Variants in CNBD2 observed in about 807,000 individuals in gnomAD.
The protein encoded by CNBD2 is cyclic nucleotide binding domain containing 2, also known as cyclic nucleotide-binding domain-containing protein 2.
Under a neutral mutation model 63.7 loss-of-function variants are expected in CNBD2, and 64 were observed. That is an observed-to-expected ratio of 1.00 (90% confidence interval 0.82 to 1.24). The LOEUF is 1.24. Among genes scored for constraint, CNBD2 ranks in the 50% most tolerant of loss-of-function variants. The pLI, the probability that CNBD2 is intolerant of heterozygous loss-of-function variation, is 0.00. For missense variants in CNBD2, 691 were observed against 713.5 expected (o/e 0.97, Z 0.36); for synonymous variants, 229 against 255.4 (o/e 0.90, Z 0.99).
intron 8 of CNBD2, among the ~76,000 whole-genome samples, chr20:35,999,949 G>T (rs371461139): frequency 2.6e-5 from 4 of 152,122 alleles, no homozygotes; most frequent in African/African-American, 9.7e-5. Context: ...AAAGTGCTGG[G>T]ATTACAGGCA....
At chr20:35,996,889 G>C (rs2056833034) in intron 8 of CNBD2, among the ~76,000 whole-genome samples, 1 of 152,150 alleles carries the variant, frequency 6.6e-6, no homozygotes, top group Non-Finnish European at 1.5e-5. Flanking sequence ...AGCAATGTAG[G>C]ACTGTAGAGT....
intron 11 of CNBD2, among the ~76,000 whole-genome samples, chr20:36,026,145 C>T (rs1601111191): frequency 6.6e-6 from 1 of 152,168 alleles, no homozygotes; most frequent in South Asian, 2.1e-4. Flanking sequence ...GTGATCCTCC[C>T]ACCTCAGCCT....
intron 10 of CNBD2, among the ~76,000 whole-genome samples, chr20:36,011,661 G>C (rs2057063346): frequency 6.6e-6 from 1 of 152,130 alleles, no homozygotes; most frequent in African/African-American, 2.4e-5. Context: ...TCAAGAAAAG[G>C]AAATAAAAGG....
intron 1 of CNBD2, among the ~76,000 whole-genome samples, chr20:35,972,140 C>G (rs2056428253): frequency 6.6e-6 from 1 of 152,158 alleles, no homozygotes; most frequent in African/African-American, 2.4e-5. Context: ...AGGCTCACGG[C>G]CTTTTCTGCT....
intron 2 of CNBD2, 121 bp downstream of exon 2, chr20:35,972,887 C>A: frequency 1.1e-6 from 1 of 903,566 alleles, no homozygotes; most frequent in Non-Finnish European, 1.7e-6. Context: ...ATGAGAGACC[C>A]AATGGTCACT....
At chr20:35,958,327 G>C (rs1011233465), downstream of CNBD2, among the ~76,000 whole-genome samples, 4 of 152,174 alleles carry the variant, frequency 2.6e-5, no homozygotes, top group Non-Finnish European at 5.9e-5. Context: ...AGCTACTTGG[G>C]AGGCTGAGGC....
chr20:36,004,199 GT>G (rs2056953619), intron 8 of CNBD2, among the ~76,000 whole-genome samples: 1 of 152,220 alleles, frequency 6.6e-6, no homozygotes, highest in African/African-American at 2.4e-5. Flanking sequence ...TGTGTGACTA[GT>G]AGGAGGTGGG....
intron 11 of CNBD2, among the ~76,000 whole-genome samples, chr20:36,026,999 G>A: frequency 6.6e-6 from 1 of 152,202 alleles, no homozygotes; most frequent in Non-Finnish European, 1.5e-5. Context: ...TAAATGTGAT[G>A]GGCCATACTC....
intron 11 of CNBD2, among the ~76,000 whole-genome samples, chr20:36,024,658 G>A (rs2057261737): frequency 2.0e-5 from 3 of 150,638 alleles, no homozygotes; most frequent in Admixed American, 6.6e-5. Flanking sequence ...GCTGGACGTG[G>A]TGGCTCATGC....
At chr20:36,005,112 T>G (rs1333190760) in intron 8 of CNBD2, among the ~76,000 whole-genome samples, 2 of 152,228 alleles carry the variant, frequency 1.3e-5, no homozygotes, top group African/African-American at 4.8e-5. Context: ...TGTTTGTCTT[T>G]GCATCTGTGT....
chr20:36,024,627 T>C (rs2057261249), intron 11 of CNBD2, among the ~76,000 whole-genome samples: 1 of 149,138 alleles, frequency 6.7e-6, no homozygotes, highest in African/African-American at 2.5e-5. Flanking sequence ...AGATTCCATC[T>C]CAAAATAATA....
At position 36,008,096 on chromosome 20, in the gene CNBD2, T is replaced by C. The variant is rs543639236; in HGVS notation, c.971-201T>C. 7.2e-5 allele frequency among the ~76,000 whole-genome samples: 11 copies of C among 152,288 alleles called. No homozygotes were observed. The South Asian group carries it at 1.9e-3, about 26-fold the overall frequency. On this transcript the variant is annotated intron_variant, in intron 8 of 11. Transcript: ENST00000373973. ...ATCACCCTTCTCCAGATGTAATAGA[T>C]GTAAAGGCTCTAGCGCAGGGCCTGC...
intron 8 of CNBD2, among the ~76,000 whole-genome samples, chr20:35,997,205 C>T (rs773695777): frequency 6.6e-6 from 1 of 152,146 alleles, no homozygotes; most frequent in African/African-American, 2.4e-5. Context: ...GCTCAGATGT[C>T]TTATCTCTTA....
At chr20:36,026,368 C>T (rs1176423257) in intron 11 of CNBD2, among the ~76,000 whole-genome samples, 1 of 152,090 alleles carries the variant, frequency 6.6e-6, no homozygotes, top group African/African-American at 2.4e-5. Context: ...GCTAGACTCC[C>T]GCAAGTCTTA....
chr20:36,005,410 C>A (rs1171263217), intron 8 of CNBD2, among the ~76,000 whole-genome samples: 1 of 152,120 alleles, frequency 6.6e-6, no homozygotes. Context: ...TGATAATGCT[C>A]ATGCACCTGC....
intron 8 of CNBD2, among the ~76,000 whole-genome samples, chr20:35,998,043 T>TC (rs1555811721): frequency 2.3e-4 from 34 of 145,444 alleles, no homozygotes; most frequent in African/African-American, 7.6e-4. Flanking sequence ...TCTTTTTCTT[T>TC]TTTTTTTTTT....
chr20:35,991,712 A>G (rs1198961913), intron 7 of CNBD2, among the ~76,000 whole-genome samples: 1 of 152,110 alleles, frequency 6.6e-6, no homozygotes, highest in East Asian at 1.9e-4. Context: ...TTTTGCCTCC[A>G]TTGCTTCACC....
intron 8 of CNBD2, among the ~76,000 whole-genome samples, chr20:35,999,636 C>A (rs2056869976): frequency 1.3e-5 from 2 of 151,238 alleles, no homozygotes; most frequent in African/African-American, 4.8e-5. Context: ...TATTAAAAAC[C>A]TTACCATACA....
At chr20:35,974,034 C>G (rs373672243) in intron 2 of CNBD2, 1 of 152,628 alleles carries the variant, frequency 6.6e-6, no homozygotes, top group African/African-American at 2.4e-5. Flanking sequence ...AAGGGGGATA[C>G]GGGGCTGGTG....
Sources: allele counts gnomAD v4.1 joint callset (sites outside exome capture counted in the v4.1 genomes callset), GRCh38; gene constraint gnomAD v4.1.1; transcripts MANE v1.5; gene names NCBI Gene and HGNC (gene_info 2026-07-23, HGNC 2026-07-21).